Variants in PIK3CA observed in about 807,000 individuals in gnomAD.
The protein encoded by PIK3CA is phosphatidylinositol 4,5-bisphosphate 3-kinase catalytic subunit alpha isoform.
Under a neutral mutation model 138.2 loss-of-function variants are expected in PIK3CA, and 27 were observed. That is an observed-to-expected ratio of 0.20 (90% CI 0.14 to 0.27). The LOEUF is 0.27. Among genes scored for constraint, PIK3CA ranks in the 10% least tolerant of loss-of-function variants. The pLI is 1.00. For synonymous variants in PIK3CA, 358 were observed against 413.2 expected, an observed-to-expected ratio of 0.87 and a Z score of 1.62; for missense variants, 544 against 1,277.4, an observed-to-expected ratio of 0.43 and a Z score of 8.75.
chr3:179,230,114 A>G lies in PIK3CA; in HGVS notation c.2777A>G (p.Asp926Gly). The G allele has an allele frequency of 6.2e-7, 1 of 1,606,876 alleles. No homozygotes were observed. The highest frequency in any genetic ancestry group is 2.2e-5 in the East Asian group (1 of 44,826). ...RHNSNIMVKD[D>G]GQLFHIDFGH... ...AATAGTAACATCATGGTGAAAGACG[A>G]TGGACAAGTAATGGTTTTCTCTGTT... The change falls in exon 19 of 21, where the codon GAT becomes GGT. Residue 926 changes from aspartate to glycine, a missense_variant. Physicochemically the swap from Asp to Gly is moderately conservative, Grantham distance 94 (BLOSUM62 -1). Around this residue, in one of 14 missense-constraint regions of PIK3CA, gnomAD observed 72 missense variants for 271.8 expected, o/e 0.26. Coordinates refer to ENST00000263967, the MANE Select transcript of PIK3CA (RefSeq NM_006218.4). This position sits in a 1 kb window ranked among gnomAD's most constrained non-coding sequence, Gnocchi z 5.4.
In PIK3CA at chr3:179,220,909, A is replaced by C; in HGVS notation, c.2016-77A>C. On this transcript the variant is annotated intron_variant, in intron 13 of 20. Coordinates refer to ENST00000263967, the MANE Select transcript of PIK3CA (RefSeq NM_006218.4). This position sits in a 1 kb window ranked among gnomAD's most constrained non-coding sequence, Gnocchi z 4.1. ...ATTGGATTTCAAAAATGAGTGTTTA[A>C]ATTGTTTAGCAAAGATTATTTGTAT... The C allele has an allele frequency of 2.5e-6, 2 of 795,796 alleles. No homozygotes were observed. Among genetic ancestry groups the C allele is most frequent in the South Asian group, 3.9e-5 (1 of 25,442 alleles). 49.3% of individuals were successfully genotyped at this position (795,796 alleles called of 1,614,324 possible). A position where few individuals can be genotyped will look rare whatever the true frequency, so the allele number is the denominator to read the frequency against.
chr3:179,161,500 C>T (rs1723280280), intron 1 of PIK3CA, among the ~76,000 whole-genome samples: 1 of 152,060 alleles, frequency 6.6e-6, no homozygotes, highest in Non-Finnish European at 1.5e-5. Context: ...AGTTTAAGAC[C>T]ACCCTGGCCA....
At position 179,219,159 on chromosome 3, in the gene PIK3CA, C is replaced by T. The variant is rs1232878354; in HGVS notation, c.1665-37C>T. 2 of 1,283,298 alleles carry T rather than the reference C, an allele frequency of 1.6e-6. No individual in the cohort carries two copies. Among genetic ancestry groups the T allele is most frequent in the South Asian group, 1.2e-5 (1 of 82,140 alleles). The allele number at this position is 1,283,298 out of a possible 1,614,324, so 79.5% of individuals were successfully genotyped here. Reference sequence around the variant, plus strand: ...ACATGTCAACCTTTTGAACAGCATGCAAGAATGTTTATGTTTATTTTGTTT... The same window carrying T: ...ACATGTCAACCTTTTGAACAGCATGTAAGAATGTTTATGTTTATTTTGTTT... On this transcript the variant is annotated intron_variant, in intron 10 of 20. Transcript: ENST00000263967. The surrounding 1 kb of genome is among the most constrained non-coding windows in gnomAD (Gnocchi z 4.2).
chr3:179,176,000 A>C (rs991703965), intron 1 of PIK3CA, among the ~76,000 whole-genome samples: 3 of 152,112 alleles, frequency 2.0e-5, no homozygotes, highest in African/African-American at 7.2e-5. Flanking sequence ...GGAAATCTTC[A>C]TATCACAATT....
At chr3:179,182,754 A>G (rs950398980) in intron 1 of PIK3CA, among the ~76,000 whole-genome samples, 42 of 152,210 alleles carry the variant, frequency 2.8e-4, no homozygotes, top group African/African-American at 9.4e-4. Flanking sequence ...TGTCATTCTC[A>G]TTGCTTGCTT....
intron 3 of PIK3CA, 67 bp from the exon 4 acceptor site, chr3:179,201,223 T>C: frequency 1.5e-6 from 2 of 1,314,602 alleles, no homozygotes; most frequent in South Asian, 2.7e-5. Flanking sequence ...AGTGAATACT[T>C]GTTGAAATTT....
intron 7 of PIK3CA, among the ~76,000 whole-genome samples, chr3:179,209,983 T>C (rs1724666616): frequency 6.6e-6 from 1 of 152,124 alleles, no homozygotes; most frequent in African/African-American, 2.4e-5. Flanking sequence ...TTGGTTCATA[T>C]TTTCTATTTA....
intron 1 of PIK3CA, among the ~76,000 whole-genome samples, chr3:179,157,148 A>G (rs77504324): frequency 0.032 from 4,799 of 152,274 alleles, 100 homozygotes; most frequent in African/African-American, 0.052. Flanking sequence ...TACATTTTGG[A>G]ACCCTAACTT....
At chr3:179,223,284 C>A (rs1725009283) in intron 14 of PIK3CA, among the ~76,000 whole-genome samples, 1 of 152,180 alleles carries the variant, frequency 6.6e-6, no homozygotes, top group African/African-American at 2.4e-5. Flanking sequence ...TTCCTAGCTC[C>A]TAACCACTTT....
chr3:179,201,636 C>G (rs1724413242), intron 4 of PIK3CA, 96 bp downstream of exon 4: 3 of 763,146 alleles, frequency 3.9e-6, no homozygotes, highest in African/African-American at 2.2e-5. Flanking sequence ...GAGACGGAAT[C>G]TCACTCTCGC....
intron 20 of PIK3CA, chr3:179,233,450 G>C (rs1292783410): frequency 7.6e-6 from 3 of 395,326 alleles, no homozygotes; most frequent in Non-Finnish European, 1.3e-5. Context: ...GTGTGATGCT[G>C]TGAAGGAAAA....
At chr3:179,155,946 C>A (rs1216056890) in intron 1 of PIK3CA, among the ~76,000 whole-genome samples, 1 of 152,182 alleles carries the variant, frequency 6.6e-6, no homozygotes, top group Non-Finnish European at 1.5e-5. Context: ...GGCCTAAGAT[C>A]TTGGCCTTTC....
At chr3:179,172,262 GAA>G (rs564300368) in intron 1 of PIK3CA, among the ~76,000 whole-genome samples, 1 of 149,234 alleles carries the variant, frequency 6.7e-6, no homozygotes, top group African/African-American at 2.5e-5. Flanking sequence ...GAATGTCTGT[GAA>G]AAAAAAAATC....
intron 1 of PIK3CA, among the ~76,000 whole-genome samples, chr3:179,171,167 G>C (rs1723549597): frequency 6.6e-6 from 1 of 152,112 alleles, no homozygotes; most frequent in East Asian, 1.9e-4. Context: ...CCAAATATGT[G>C]CAAATGAATA....
intron 6 of PIK3CA, among the ~76,000 whole-genome samples, chr3:179,205,126 A>T (rs1173908053): frequency 6.6e-6 from 1 of 151,022 alleles, no homozygotes; most frequent in Non-Finnish European, 1.5e-5. Context: ...GAATAGGAGA[A>T]TTGCTTGATC....
At chr3:179,197,146 C>G (rs1322299881) in intron 1 of PIK3CA, among the ~76,000 whole-genome samples, 1 of 152,076 alleles carries the variant, frequency 6.6e-6, no homozygotes, top group Non-Finnish European at 1.5e-5. Context: ...TTAAGTGATT[C>G]TCCTGCTTCA....
chr3:179,189,269 G>T (rs996674421), intron 1 of PIK3CA, among the ~76,000 whole-genome samples: 1 of 151,976 alleles, frequency 6.6e-6, no homozygotes, highest in African/African-American at 2.4e-5. Flanking sequence ...TCATTTTCAC[G>T]ATTAAATTCA....
chr3:179,217,999 C>T (rs1724875165), intron 9 of PIK3CA, among the ~76,000 whole-genome samples: 2 of 152,022 alleles, frequency 1.3e-5, no homozygotes, highest in Non-Finnish European at 1.5e-5. Flanking sequence ...AAATAAATTA[C>T]TGGATTTGTT....
chr3:179,236,979 T>C lies in PIK3CA; in HGVS notation c.*2615T>C, dbSNP rs1725345373. 1.0e-5 allele frequency: 2 copies of C among 200,268 alleles called. No individual in the cohort carries two copies. Among genetic ancestry groups the C allele is most frequent in the African/African-American group, 2.3e-5 (1 of 43,576 alleles). The allele number at this position is 200,268 out of a possible 1,614,324, so 12.4% of individuals were successfully genotyped here. Reference sequence around the variant, plus strand: ...CCTTGAATATGGTGTAACTGACTATTGGCTCTACAGTTTTATTGGGCCACT... The same window carrying C: ...CCTTGAATATGGTGTAACTGACTATCGGCTCTACAGTTTTATTGGGCCACT... On this transcript the variant is annotated 3_prime_UTR_variant, in exon 21 of 21. Transcript: ENST00000263967.
Sources: gnomAD v4.1 joint callset for allele counts (sites outside exome capture counted in the v4.1 genomes callset) on GRCh38, gnomAD v4.1.1 for gene constraint, gnomAD v4.1.1 regional missense constraint, Gnocchi (gnomAD v3.1) non-coding constraint, MANE v1.5 for transcripts, NCBI Gene and HGNC (gene_info 2026-07-23, HGNC 2026-07-21) for gene names.